NR6A1: variants seen among roughly 807,000 people sequenced by gnomAD.
NR6A1 encodes the protein retinoic acid receptor-related testis-associated receptor.
NR6A1 carries 7 observed loss-of-function variants against 59.1 expected under a neutral mutation model. The ratio of observed to expected loss-of-function variants is 0.12; its 90% CI spans 0.07 to 0.22. NR6A1 has a LOEUF of 0.22. Among genes scored for constraint, NR6A1 ranks in the 10% least tolerant of loss-of-function variants. The pLI is 1.00. For missense variants in NR6A1, 468 were observed against 611.6 expected (o/e 0.77, Z 2.48); for synonymous variants, 243 against 236.1 (o/e 1.03, Z -0.27).
intron 1 of NR6A1, among the ~76,000 whole-genome samples, chr9:124,758,930 G>A (rs1056329695): frequency 1.3e-5 from 2 of 152,110 alleles, no homozygotes; most frequent in Middle Eastern, 3.4e-3. Context: ...TCCTTTCAGG[G>A]ATTATCTAAT....
At chr9:124,627,460 G>T (rs982109383) in intron 2 of NR6A1, among the ~76,000 whole-genome samples, 1 of 152,206 alleles carries the variant, frequency 6.6e-6, no homozygotes, top group Non-Finnish European at 1.5e-5. Context: ...GACCACAGGA[G>T]ATTATGGAAA....
chr9:124,681,220 A>G (rs536335602), intron 2 of NR6A1, among the ~76,000 whole-genome samples: 1 of 152,316 alleles, frequency 6.6e-6, no homozygotes, highest in Admixed American at 6.5e-5. Flanking sequence ...CTTACTAAAC[A>G]AATTGTGGTT....
intron 1 of NR6A1, among the ~76,000 whole-genome samples, chr9:124,770,755 T>C (rs1232906250): frequency 3.9e-5 from 4 of 102,284 alleles, no homozygotes; most frequent in African/African-American, 1.6e-4. Context: ...GAGGGGGAAA[T>C]GAAGCTCGGT....
intron 2 of NR6A1, among the ~76,000 whole-genome samples, chr9:124,604,153 C>A (rs141950309): frequency 6.6e-6 from 1 of 152,280 alleles, no homozygotes; most frequent in East Asian, 1.9e-4. Context: ...CAACTACACT[C>A]AGCAACTGAG....
intron 2 of NR6A1, among the ~76,000 whole-genome samples, chr9:124,678,588 G>A (rs1838032532): frequency 6.6e-6 from 1 of 152,148 alleles, no homozygotes; most frequent in Admixed American, 6.6e-5. Flanking sequence ...GGCTGTTACT[G>A]TTCTTACCTC....
At chr9:124,634,462 C>T (rs1430867061) in intron 2 of NR6A1, among the ~76,000 whole-genome samples, 1 of 152,158 alleles carries the variant, frequency 6.6e-6, no homozygotes, top group East Asian at 1.9e-4. Flanking sequence ...TTCTTCTCTG[C>T]CTACTTTTCC....
chr9:124,635,640 G>A (rs1356463327), intron 2 of NR6A1, among the ~76,000 whole-genome samples: 1 of 152,170 alleles, frequency 6.6e-6, no homozygotes. Flanking sequence ...TTTTAAGACT[G>A]GCTTCTTTCA....
At chr9:124,584,959 A>C (rs1834879418) in intron 2 of NR6A1, among the ~76,000 whole-genome samples, 1 of 152,266 alleles carries the variant, frequency 6.6e-6, no homozygotes, top group Admixed American at 6.5e-5. Context: ...GAAGGAAATT[A>C]AAAGTGCTAC....
intron 2 of NR6A1, among the ~76,000 whole-genome samples, chr9:124,656,218 T>A (rs1588749314): frequency 6.6e-6 from 1 of 152,286 alleles, no homozygotes; most frequent in East Asian, 1.9e-4. Context: ...CCTTGTGCCA[T>A]GAATGGAGGC....
At chr9:124,737,071 T>G (rs532243585) in intron 1 of NR6A1, among the ~76,000 whole-genome samples, 4 of 152,256 alleles carry the variant, frequency 2.6e-5, no homozygotes, top group Non-Finnish European at 4.4e-5. Flanking sequence ...TAATGTCACT[T>G]TGGTTACTTG....
intron 2 of NR6A1, among the ~76,000 whole-genome samples, chr9:124,720,208 C>T (rs1010155809): frequency 2.6e-5 from 4 of 152,032 alleles, no homozygotes; most frequent in Admixed American, 1.3e-4. Context: ...TGCGCCACCA[C>T]GTCCAGGTAA....
chr9:124,690,905 C>T (rs917276989), intron 2 of NR6A1, among the ~76,000 whole-genome samples: 10 of 152,068 alleles, frequency 6.6e-5, no homozygotes, highest in Non-Finnish European at 2.9e-5. Context: ...TGGGCAACAC[C>T]CCATGTCATT....
intron 2 of NR6A1, among the ~76,000 whole-genome samples, chr9:124,582,368 G>C (rs1834797980): frequency 6.6e-6 from 1 of 152,106 alleles, no homozygotes; most frequent in Admixed American, 6.5e-5. Flanking sequence ...TAAATGATGA[G>C]AACACACGGA....
intron 2 of NR6A1, among the ~76,000 whole-genome samples, chr9:124,561,591 A>G (rs1834086061): frequency 1.3e-5 from 2 of 152,212 alleles, no homozygotes; most frequent in African/African-American, 2.4e-5. Context: ...TTGCTTAATA[A>G]TAAGTTTTTC....
At chr9:124,729,054 T>C (rs1019138646) in intron 2 of NR6A1, among the ~76,000 whole-genome samples, 6 of 152,294 alleles carry the variant, frequency 3.9e-5, no homozygotes, top group Admixed American at 3.3e-4. Flanking sequence ...TTATTAAGCT[T>C]GTTTAGTGGG....
chr9:124,637,022 A>C lies in NR6A1; in HGVS notation c.143-82452T>G, dbSNP rs528669925. On this transcript the variant is annotated intron_variant, in intron 2 of 9. Transcript: ENST00000487099. Reference sequence around the variant, plus strand: ...GGAAATAAACTAATGTACTTACTACATTAGAGAAAAGCATCAACAAGGTGC... The same window carrying C: ...GGAAATAAACTAATGTACTTACTACCTTAGAGAAAAGCATCAACAAGGTGC... Among the ~76,000 whole-genome samples the C allele has an allele frequency of 5.9e-4, 90 of 152,316 alleles. 1 individual carries two copies. The South Asian group carries it at 0.018, about 31-fold the overall frequency.
At chr9:124,767,676 C>T (rs897669114) in intron 1 of NR6A1, among the ~76,000 whole-genome samples, 10 of 152,026 alleles carry the variant, frequency 6.6e-5, no homozygotes, top group Non-Finnish European at 1.2e-4. Flanking sequence ...AAAGTTAAAT[C>T]ATCATGGGAA....
At chr9:124,620,890 G>A (rs781490724) in intron 2 of NR6A1, among the ~76,000 whole-genome samples, 1 of 151,948 alleles carries the variant, frequency 6.6e-6, no homozygotes, top group Non-Finnish European at 1.5e-5. Context: ...CTGCCCTTGG[G>A]AGGGGCTTTA....
rs147117934 is a variant in NR6A1, at chr9:124,731,005, A to G, written c.142+2303T>C. Among the ~76,000 whole-genome samples the G allele has an allele frequency of 2.3e-3, 357 of 152,280 alleles. 2 individuals carry two copies. Among genetic ancestry groups the G allele is most frequent in the African/African-American group, 8.1e-3 (336 of 41,564 alleles). On this transcript the variant is annotated intron_variant, in intron 2 of 9. Transcript: ENST00000487099. ...CAAACTGAGTTATCAACTATCTAGCATGTTTTATGTGTAGTTGTCTGAAAG... is the reference window on the plus strand; with the variant it reads ...CAAACTGAGTTATCAACTATCTAGCGTGTTTTATGTGTAGTTGTCTGAAAG...
Sources: allele counts gnomAD v4.1 joint callset (sites outside exome capture counted in the v4.1 genomes callset), GRCh38; gene constraint gnomAD v4.1.1; transcripts MANE v1.5; gene names NCBI Gene and HGNC (gene_info 2026-07-23, HGNC 2026-07-21).